The following OPCML variants were observed in gnomAD, a reference collection of about 807,000 sequenced individuals.
OPCML encodes the protein opioid binding protein/cell adhesion molecule like.
A neutral mutation model predicts 37.8 loss-of-function variants in OPCML; 13 were observed. The observed-to-expected ratio is 0.34, with a 90% CI of 0.22 to 0.55. The LOEUF is 0.55. OPCML is among the 20% of genes least tolerant of loss of function. The pLI, the probability that OPCML is intolerant of heterozygous loss-of-function variation, is 0.91. For synonymous variants in OPCML, 176 were observed against 168.8 expected (o/e 1.04, Z -0.33); for missense variants, 341 against 435.6 (o/e 0.78, Z 1.93).
intron 3 of OPCML, among the ~76,000 whole-genome samples, chr11:132,569,463 T>C (rs1198898972): frequency 6.6e-6 from 1 of 152,152 alleles, no homozygotes; most frequent in East Asian, 1.9e-4. Flanking sequence ...CATACACTTG[T>C]GTCACTTACA....
chr11:133,149,387 T>A (rs927940897), intron 1 of OPCML, among the ~76,000 whole-genome samples: 1 of 152,226 alleles, frequency 6.6e-6, no homozygotes, highest in Non-Finnish European at 1.5e-5. Flanking sequence ...TCTTTCCTAC[T>A]GTTTTTAGCC....
chr11:133,422,214 G>A (rs1945903364), intron 1 of OPCML: 1 of 983,906 alleles, frequency 1.0e-6, no homozygotes, highest in African/African-American at 1.8e-5. Flanking sequence ...GTCCTTTACT[G>A]ATTTTATACC....
intron 1 of OPCML, among the ~76,000 whole-genome samples, chr11:132,961,029 G>A (rs944511370): frequency 2.0e-5 from 3 of 152,102 alleles, no homozygotes; most frequent in Non-Finnish European, 4.4e-5. Flanking sequence ...CAAAGCTGCC[G>A]GATTCCGAAA....
intron 2 of OPCML, among the ~76,000 whole-genome samples, chr11:132,758,583 G>A (rs143883960): frequency 0.031 from 4,732 of 152,102 alleles, 103 homozygotes; most frequent in African/African-American, 0.071. Flanking sequence ...GAGTTCACTC[G>A]TGATTTGGCT....
intron 2 of OPCML, among the ~76,000 whole-genome samples, chr11:132,707,546 A>C (rs1944084256): frequency 1.3e-5 from 2 of 152,214 alleles, no homozygotes; most frequent in African/African-American, 4.8e-5. Context: ...CATACAGATG[A>C]GGACTTCTAG....
Position 132,486,336 on chromosome 11 carries a change from G to A in OPCML, c.505+42725C>T, listed in dbSNP as rs148220281. On this transcript the variant is annotated intron_variant, in intron 4 of 7. Coordinates refer to ENST00000524381, the MANE Select transcript of OPCML (RefSeq NM_001012393.5). ...GCCCCACAATGGTTCTTTGATGATAGTAAGAATGTGCCACCAAGGTTTTGG... is the reference window on the plus strand; with the variant it reads ...GCCCCACAATGGTTCTTTGATGATAATAAGAATGTGCCACCAAGGTTTTGG... Among the ~76,000 whole-genome samples, 369 of 152,270 alleles carry A rather than the reference G, an allele frequency of 2.4e-3. 4 individuals are homozygous for A. The highest frequency in any genetic ancestry group is 4.3e-3 in the African/African-American group (180 of 41,552).
At chr11:132,736,304 C>T (rs1363921521) in intron 2 of OPCML, among the ~76,000 whole-genome samples, 1 of 152,196 alleles carries the variant, frequency 6.6e-6, no homozygotes, top group Non-Finnish European at 1.5e-5. Context: ...GACCATCATC[C>T]TCACCTAGAA....
At chr11:132,476,835 TATA>T (rs1250498194) in intron 4 of OPCML, among the ~76,000 whole-genome samples, 5 of 151,870 alleles carry the variant, frequency 3.3e-5, no homozygotes, top group African/African-American at 4.8e-5. Context: ...AAATTTAAAG[TATA>T]ATAATAAAAA....
At chr11:133,245,973 TG>T (rs1223805974) in intron 1 of OPCML, among the ~76,000 whole-genome samples, 1 of 151,398 alleles carries the variant, frequency 6.6e-6, no homozygotes, top group Non-Finnish European at 1.5e-5. Context: ...ATTTGGGGGC[TG>T]GGGGTCAAGG....
chr11:132,715,906 T>C (rs56083586), intron 2 of OPCML, among the ~76,000 whole-genome samples: 86 of 152,316 alleles, frequency 5.6e-4, no homozygotes, highest in Non-Finnish European at 1.1e-3. Context: ...GTGAAGTGGA[T>C]GACCCACAGT....
At chr11:132,665,995 G>A (rs769164548) in intron 2 of OPCML, among the ~76,000 whole-genome samples, 14 of 152,142 alleles carry the variant, frequency 9.2e-5, no homozygotes, top group Non-Finnish European at 1.6e-4. Flanking sequence ...CACTGTGTCA[G>A]GCCTTATAAA....
intron 1 of OPCML, among the ~76,000 whole-genome samples, chr11:133,460,590 A>G (rs1190118879): frequency 3.9e-5 from 6 of 151,930 alleles, no homozygotes; most frequent in Non-Finnish European, 7.4e-5. Context: ...TGGATTACCA[A>G]ATGAAATGAA....
chr11:133,342,766 G>C (rs76245297), intron 1 of OPCML, among the ~76,000 whole-genome samples: 5 of 152,148 alleles, frequency 3.3e-5, no homozygotes, highest in Non-Finnish European at 2.9e-5. Flanking sequence ...GCTGGCTTCC[G>C]AGAAGGCCGT....
chr11:132,917,841 G>A (rs966132710), intron 2 of OPCML, among the ~76,000 whole-genome samples: 1 of 152,066 alleles, frequency 6.6e-6, no homozygotes, highest in African/African-American at 2.4e-5. Flanking sequence ...GGGCCTACTT[G>A]GATCATTTCA....
chr11:133,069,404 A>G (rs1948489779), intron 1 of OPCML, among the ~76,000 whole-genome samples: 1 of 152,182 alleles, frequency 6.6e-6, no homozygotes, highest in African/African-American at 2.4e-5. Flanking sequence ...AATTGCTTGG[A>G]AGAACTTTTC....
At chr11:133,441,076 A>G (rs1212847366) in intron 1 of OPCML, among the ~76,000 whole-genome samples, 3 of 151,828 alleles carry the variant, frequency 2.0e-5, no homozygotes, top group Non-Finnish European at 4.4e-5. Flanking sequence ...AAAGCTCTGT[A>G]AGGAGACAGA....
chr11:133,241,632 T>G (rs75109017), intron 1 of OPCML, among the ~76,000 whole-genome samples: 1,895 of 152,292 alleles, frequency 0.012, 42 homozygotes, highest in African/African-American at 0.043. Context: ...ATTAGGAAAT[T>G]TTATAGTTAA....
chr11:133,428,518 T>G (rs1484752891), intron 1 of OPCML, among the ~76,000 whole-genome samples: 1 of 152,004 alleles, frequency 6.6e-6, no homozygotes, highest in Non-Finnish European at 1.5e-5. Flanking sequence ...TTTGAAAAAA[T>G]AACTATTTGA....
At chr11:133,282,971 T>C (rs1942199575) in intron 1 of OPCML, among the ~76,000 whole-genome samples, 1 of 152,224 alleles carries the variant, frequency 6.6e-6, no homozygotes, top group Non-Finnish European at 1.5e-5. Context: ...ATCATCATTG[T>C]GACTTGGAAG....
Sources: gnomAD v4.1 joint callset for allele counts (sites outside exome capture counted in the v4.1 genomes callset) on GRCh38, gnomAD v4.1.1 for gene constraint, MANE v1.5 for transcripts, NCBI Gene and HGNC (gene_info 2026-07-23, HGNC 2026-07-21) for gene names.